AKAP9: variants seen among roughly 807,000 people sequenced by gnomAD.
AKAP9 encodes the protein A-kinase anchor protein 9.
A neutral mutation model predicts 488.5 loss-of-function variants in AKAP9; 311 were observed. That is an observed-to-expected ratio of 0.64 (90% CI 0.58 to 0.70). The LOEUF (loss-of-function observed/expected upper bound fraction) is 0.70. Ranked by LOEUF, AKAP9 falls within the 30% of genes least tolerant of loss-of-function variation. The probability of loss-of-function intolerance (pLI) is 0.00; values close to 1 mark genes in which losing one functional copy is unlikely to be tolerated. For missense variants in AKAP9, 4,215 were observed against 4,374.5 expected (o/e 0.96, Z 1.03); for synonymous variants, 1,462 against 1,483.5 (o/e 0.99, Z 0.33).
At position 92,070,226 on chromosome 7, in the gene AKAP9, C is replaced by G; in HGVS notation, c.6507+20C>G. On this transcript the variant is annotated intron_variant, in intron 27 of 49. Transcript: ENST00000356239. ...CAAAAGGTGTGGCATTTTATTTGGG[C>G]TAACTTAATAAGTGTTTTAATGAAG... 6.2e-7 allele frequency: 1 copy of G among 1,612,924 alleles called. No individual in the cohort carries two copies. The highest frequency in any genetic ancestry group is 8.5e-7 in the Non-Finnish European group (1 of 1,179,122).
At chr7:91,971,560 CTTTTTTTTTTTTTT>C (rs71107844) in intron 1 of AKAP9, among the ~76,000 whole-genome samples, 1 of 68,542 alleles carries the variant, frequency 1.5e-5, no homozygotes, top group Non-Finnish European at 2.6e-5. Context: ...ACATCTATTT[CTTTTTTTTTTTTTT>C]TTTTTTTTTT....
chr7:92,017,540 G>A (rs1021355176), intron 12 of AKAP9, among the ~76,000 whole-genome samples: 1 of 152,056 alleles, frequency 6.6e-6, no homozygotes, highest in African/African-American at 2.4e-5. Context: ...AGGTAAGATA[G>A]TATACATGGC....
intron 16 of AKAP9, among the ~76,000 whole-genome samples, chr7:92,036,874 A>G (rs929119749): frequency 5.3e-5 from 8 of 152,154 alleles, no homozygotes; most frequent in Admixed American, 1.3e-4. Context: ...CGTAATGGGT[A>G]TATGTTCCAG....
At chr7:92,016,956 T>C in intron 11 of AKAP9, 61 bp from the exon 12 acceptor site, 1 of 1,245,710 alleles carries the variant, frequency 8.0e-7, no homozygotes, top group South Asian at 1.3e-5. Context: ...ATAATATTTA[T>C]TGAAAGATGC....
chr7:91,972,975 A>G (rs1795271673), intron 1 of AKAP9, among the ~76,000 whole-genome samples: 1 of 152,174 alleles, frequency 6.6e-6, no homozygotes, highest in Admixed American at 6.5e-5. Flanking sequence ...TGCATGAACT[A>G]AATCTTTTTA....
At chr7:92,077,571 A>G (rs1043383024) in intron 29 of AKAP9, 125 bp from the exon 30 acceptor site, 18 of 823,092 alleles carry the variant, frequency 2.2e-5, no homozygotes, top group Non-Finnish European at 2.8e-5. Flanking sequence ...ATTGATTTAC[A>G]GTAACCATAT....
Position 92,076,961 on chromosome 7 carries a change from C to T in AKAP9, c.6719C>T (p.Ser2240Phe). The stretch of plus-strand genomic sequence containing the variant: ...CAATTAGAAATACAGAAAAAGGAAT[C>T]TACTACCCGCCTACAAGAACTTGAA... ...HMQLEIQKKESTTRLQELEQE... is the reference protein window; with the variant it reads ...HMQLEIQKKEFTTRLQELEQE... The change falls in exon 29 of 50, where the codon TCT becomes TTT. Residue 2240 changes from serine (S) to phenylalanine (F), a missense_variant. Ser to Phe is a radical substitution (Grantham distance 155, BLOSUM62 -2). Coordinates refer to ENST00000356239, the MANE Select transcript of AKAP9 (RefSeq NM_005751.5). The T allele has an allele frequency of 6.3e-7, 1 of 1,579,838 alleles. No homozygotes were observed. Among genetic ancestry groups the T allele is most frequent in the African/African-American group, 1.4e-5 (1 of 73,820 alleles).
In AKAP9 at chr7:92,096,872, G is replaced by A. The variant is rs149184376; in HGVS notation, c.9913G>A (p.Glu3305Lys). ...AGAGCTTCAGGTACTTCTTGAATCT[G>A]AGAAAGTTCGAATTCGGGAAATGAG... ...NLELQVLLESEKVRIREMSST... is the reference protein window; with the variant it reads ...NLELQVLLESKKVRIREMSST... The change falls in exon 41 of 50, where the codon GAG (glutamate) becomes AAG (lysine). Residue 3305 changes from glutamate to lysine, a missense_variant. Coordinates refer to ENST00000356239, the MANE Select transcript of AKAP9 (RefSeq NM_005751.5). 1 of 1,614,200 alleles carries A rather than the reference G, an allele frequency of 6.2e-7. No homozygotes were observed.
At chr7:91,951,955 A>G (rs761531619) in intron 1 of AKAP9, among the ~76,000 whole-genome samples, 2 of 152,214 alleles carry the variant, frequency 1.3e-5, no homozygotes, top group East Asian at 3.8e-4. Flanking sequence ...ATTGCAGTCC[A>G]ATAAAATCAG....
chr7:92,026,273 C>T (rs987151065), intron 14 of AKAP9, among the ~76,000 whole-genome samples: 5 of 152,154 alleles, frequency 3.3e-5, no homozygotes, highest in Non-Finnish European at 5.9e-5. Context: ...GTAATAAACA[C>T]TTTCAAATAC....
At chr7:92,102,075 G>T (rs1817592861) in intron 45 of AKAP9, among the ~76,000 whole-genome samples, 1 of 151,890 alleles carries the variant, frequency 6.6e-6, no homozygotes. Context: ...AGAATTGCTT[G>T]AATCTGGGAG....
chr7:91,990,443 T>A (rs1396100509), intron 3 of AKAP9, among the ~76,000 whole-genome samples: 1 of 152,132 alleles, frequency 6.6e-6, no homozygotes, highest in Non-Finnish European at 1.5e-5. Context: ...AATAATCTTT[T>A]ATAGCCAATT....
intron 3 of AKAP9, among the ~76,000 whole-genome samples, chr7:91,990,824 A>G (rs1797659254): frequency 6.6e-6 from 1 of 152,220 alleles, no homozygotes; most frequent in Admixed American, 6.5e-5. Context: ...CCCTGTTTTT[A>G]CTTTCTGTAG....
At chr7:92,089,723 G>A (rs901348396) in intron 38 of AKAP9, 194 bp downstream of exon 38, 84 of 574,476 alleles carry the variant, frequency 1.5e-4, no homozygotes, top group African/African-American at 1.2e-3. Flanking sequence ...AAACAGCTAC[G>A]TTGACTTTAA....
chr7:92,085,732 G>T, intron 36 of AKAP9, 46 bp downstream of exon 36: 1 of 1,308,876 alleles, frequency 7.6e-7, no homozygotes, highest in South Asian at 1.3e-5. Context: ...TGTATTATTT[G>T]AACAATAATA....
At chr7:91,958,707 T>G (rs1003474528) in intron 1 of AKAP9, among the ~76,000 whole-genome samples, 4 of 152,204 alleles carry the variant, frequency 2.6e-5, no homozygotes, top group African/African-American at 9.6e-5. Flanking sequence ...TTACCTGTTG[T>G]GTTATAACCT....
intron 26 of AKAP9, among the ~76,000 whole-genome samples, chr7:92,067,555 A>G (rs912462581): frequency 4.6e-5 from 7 of 151,974 alleles, no homozygotes; most frequent in Non-Finnish European, 5.9e-5. Flanking sequence ...CCCACTTGTC[A>G]CTTGTTTGCC....
chr7:92,089,595 CTTA>C (rs756997575), intron 38 of AKAP9, 66 bp downstream of exon 38: 35 of 1,498,858 alleles, frequency 2.3e-5, no homozygotes, highest in African/African-American at 8.4e-5. Flanking sequence ...TGTTTTCTTT[CTTA>C]TTATTATTAA....
intron 46 of AKAP9, among the ~76,000 whole-genome samples, chr7:92,103,473 A>ATCG (rs1431423207): frequency 6.6e-6 from 1 of 150,876 alleles, no homozygotes. Flanking sequence ...AGGCCGGCAG[A>ATCG]TCGTGAGGTC....
Sources: allele counts gnomAD v4.1 joint callset (sites outside exome capture counted in the v4.1 genomes callset), GRCh38; gene constraint gnomAD v4.1.1; transcripts MANE v1.5; gene names NCBI Gene and HGNC (gene_info 2026-07-23, HGNC 2026-07-21).